SBF2: variants seen among roughly 807,000 people sequenced by gnomAD.
SBF2 encodes the protein myotubularin-related protein 13.
A neutral mutation model predicts 225.2 loss-of-function variants in SBF2; 112 were observed. The observed-to-expected ratio is 0.50, with a 90% CI of 0.43 to 0.58. SBF2 has a LOEUF of 0.58. Among genes scored for constraint, SBF2 ranks in the 20% least tolerant of loss-of-function variants. The pLI is 0.00. For synonymous variants in SBF2, 763 were observed against 773.3 expected, an observed-to-expected ratio of 0.99 and a Z score of 0.22; for missense variants, 1,996 against 2,206.2, an observed-to-expected ratio of 0.90 and a Z score of 1.91.
chr11:9,856,096 T>G (rs1857295003), intron 19 of SBF2, among the ~76,000 whole-genome samples: 1 of 152,134 alleles, frequency 6.6e-6, no homozygotes, highest in Non-Finnish European at 1.5e-5. Context: ...ACTACAAGGT[T>G]GAGGAAAAGG....
rs1332799093 is a variant in SBF2, at chr11:10,066,125, C to G, written c.142-23144G>C. On this transcript the variant is annotated intron_variant, in intron 2 of 39. Coordinates refer to ENST00000256190, the MANE Select transcript of SBF2 (RefSeq NM_030962.4). ...CAGATGGCTTCACTGGTAAATTCTA[C>G]TAAACATTAAAGGTTTTTTCCTTAA... Among the ~76,000 whole-genome samples the G allele has an allele frequency of 3.9e-5, 6 of 152,012 alleles. No homozygotes were observed. In the South Asian group the frequency reaches 1.2e-3, roughly 32 times the overall value.
At chr11:9,999,322 T>C (rs1031484577) in intron 8 of SBF2, among the ~76,000 whole-genome samples, 3 of 129,106 alleles carry the variant, frequency 2.3e-5, no homozygotes, top group East Asian at 2.5e-4. Context: ...TGTATGTATG[T>C]ATGTATGTAT....
intron 16 of SBF2, among the ~76,000 whole-genome samples, chr11:9,932,586 G>C (rs1462212427): frequency 6.6e-6 from 1 of 152,148 alleles, no homozygotes; most frequent in Admixed American, 6.6e-5. Context: ...AATGCTGAGA[G>C]ATTTTGTCAC....
intron 8 of SBF2, among the ~76,000 whole-genome samples, chr11:10,000,222 T>A (rs1947900469): frequency 6.6e-6 from 1 of 152,250 alleles, no homozygotes; most frequent in Non-Finnish European, 1.5e-5. Flanking sequence ...CCTTCTTCTA[T>A]GACAGTAACT....
intron 22 of SBF2, 91 bp from the exon 23 acceptor site, chr11:9,847,174 A>G: frequency 1.3e-6 from 2 of 1,514,378 alleles, no homozygotes; most frequent in South Asian, 1.1e-5. Context: ...TCTGCTAGAG[A>G]AATGTATTTG....
intron 2 of SBF2, among the ~76,000 whole-genome samples, chr11:10,079,944 T>G (rs1590910399): frequency 6.6e-6 from 1 of 151,580 alleles, no homozygotes; most frequent in Non-Finnish European, 1.5e-5. Flanking sequence ...ATTTTCAAAG[T>G]GCTTAAAGAA....
At chr11:10,034,465 C>CA (rs1355731340) in intron 3 of SBF2, among the ~76,000 whole-genome samples, 1 of 152,204 alleles carries the variant, frequency 6.6e-6, no homozygotes, top group Non-Finnish European at 1.5e-5. Flanking sequence ...GGAAGTTTAT[C>CA]CTACCATTCA....
chr11:10,106,178 C>A (rs1395006339), intron 2 of SBF2, among the ~76,000 whole-genome samples: 1 of 152,116 alleles, frequency 6.6e-6, no homozygotes, highest in Non-Finnish European at 1.5e-5. Flanking sequence ...AACCCTTACC[C>A]CACTTCCTCA....
intron 17 of SBF2, among the ~76,000 whole-genome samples, chr11:9,877,288 T>A (rs1045978195): frequency 9.9e-5 from 15 of 152,228 alleles, no homozygotes; most frequent in African/African-American, 3.4e-4. Context: ...TTATATGAAG[T>A]AAGTTCCTGT....
chr11:9,881,742 C>G (rs1269481441), intron 17 of SBF2, among the ~76,000 whole-genome samples: 1 of 151,900 alleles, frequency 6.6e-6, no homozygotes, highest in Admixed American at 6.6e-5. Flanking sequence ...CCCCATCCCC[C>G]CCCAATTAAA....
intron 9 of SBF2, among the ~76,000 whole-genome samples, chr11:9,997,417 T>A (rs913378058): frequency 6.6e-6 from 1 of 152,216 alleles, no homozygotes; most frequent in African/African-American, 2.4e-5. Context: ...CAAGATTTTT[T>A]AAAGCTTTAT....
intron 10 of SBF2, among the ~76,000 whole-genome samples, chr11:9,993,550 C>T (rs1947534480): frequency 2.0e-5 from 3 of 152,232 alleles, no homozygotes; most frequent in Admixed American, 2.0e-4. Flanking sequence ...TCTCCTATAA[C>T]CAACATTCTT....
chr11:9,918,271 A>G (rs11042543), intron 16 of SBF2, among the ~76,000 whole-genome samples: 30,185 of 152,154 alleles, frequency 0.2, 3,730 homozygotes, highest in Non-Finnish European at 0.28. Flanking sequence ...TCTGTAGTAC[A>G]AATCAGATTG....
intron 1 of SBF2, among the ~76,000 whole-genome samples, chr11:10,257,437 G>A (rs1386846673): frequency 2.0e-5 from 3 of 152,058 alleles, no homozygotes; most frequent in Non-Finnish European, 1.5e-5. Context: ...AGGCCTAAGT[G>A]GGAGGACCAC....
intron 1 of SBF2, among the ~76,000 whole-genome samples, chr11:10,247,942 C>A (rs1008369620): frequency 2.6e-5 from 4 of 152,182 alleles, no homozygotes; most frequent in African/African-American, 9.7e-5. Flanking sequence ...GACACCACCC[C>A]TTCCCAGTTT....
intron 2 of SBF2, among the ~76,000 whole-genome samples, chr11:10,095,889 G>A (rs1416858053): frequency 6.6e-6 from 1 of 151,852 alleles, no homozygotes; most frequent in Admixed American, 6.6e-5. Flanking sequence ...CAGAGCGGGG[G>A]AAAAAAAGAA....
At chr11:10,098,687 A>ACG (rs1952150631) in intron 2 of SBF2, among the ~76,000 whole-genome samples, 7 of 129,220 alleles carry the variant, frequency 5.4e-5, no homozygotes, top group African/African-American at 2.0e-4. Context: ...ATGCACACAC[A>ACG]CACACACACA....
intron 1 of SBF2, among the ~76,000 whole-genome samples, chr11:10,201,072 T>G (rs1957554356): frequency 6.6e-6 from 1 of 152,182 alleles, no homozygotes; most frequent in Non-Finnish European, 1.5e-5. Context: ...CCTGTTCTTC[T>G]CTCTTCTTCA....
intron 1 of SBF2, among the ~76,000 whole-genome samples, chr11:10,280,156 A>G (rs1963303947): frequency 1.2e-5 from 1 of 83,470 alleles, no homozygotes; most frequent in African/African-American, 3.6e-5. Context: ...AGTGCTCAAA[A>G]AGTTTCAGAT....
Sources: allele counts gnomAD v4.1 joint callset (sites outside exome capture counted in the v4.1 genomes callset), GRCh38; gene constraint gnomAD v4.1.1; transcripts MANE v1.5; gene names NCBI Gene and HGNC (gene_info 2026-07-23, HGNC 2026-07-21).